The following FAM184B variants were observed in gnomAD, a reference collection of about 807,000 sequenced individuals.
FAM184B encodes the protein family with sequence similarity 184 member B.
Under a neutral mutation model 135.9 loss-of-function variants are expected in FAM184B, and 111 were observed. The ratio of observed to expected loss-of-function variants is 0.82; its 90% confidence interval spans 0.70 to 0.96. FAM184B has a LOEUF of 0.96. Among genes scored for constraint, FAM184B ranks in the 40% least tolerant of loss-of-function variants. The pLI, the probability that FAM184B is intolerant of heterozygous loss-of-function variation, is 0.00. For missense variants in FAM184B, 1,375 were observed against 1,323.9 expected (o/e 1.04, Z -0.60); for synonymous variants, 552 against 524.8 (o/e 1.05, Z -0.71).
intron 1 of FAM184B, among the ~76,000 whole-genome samples, chr4:17,710,474 A>T (rs994869885): frequency 1.3e-5 from 2 of 152,214 alleles, no homozygotes; most frequent in African/African-American, 4.8e-5. Context: ...CACAGAAAAA[A>T]ATATTTGACA....
intron 7 of FAM184B, among the ~76,000 whole-genome samples, chr4:17,678,379 G>A (rs1002626317): frequency 2.0e-5 from 3 of 151,776 alleles, no homozygotes; most frequent in South Asian, 2.1e-4. Flanking sequence ...CACCAACATC[G>A]ACCAAGCTGG....
Position 17,708,902 on chromosome 4 carries a change from T to C in FAM184B, c.884A>G (p.Glu295Gly). The C allele has an allele frequency of 6.6e-7, 1 of 1,512,016 alleles. No individual in the cohort carries two copies. Among genetic ancestry groups the C allele is most frequent in the Non-Finnish European group, 8.9e-7 (1 of 1,127,782 alleles). The allele number at this position is 1,512,016 out of a possible 1,614,324, so 93.7% of individuals were successfully genotyped here. A position where few individuals can be genotyped will look rare whatever the true frequency, so the allele number is the denominator to read the frequency against. ...GAGATGCTGCTTTACCTGAATCCTC[T>C]CCTTCAGCTTCTGGGCGTACTTCTT... ...DLKKYAQKLK[E>G]RIQDLDVQLK... is the part of the protein sequence containing the mutation. The change falls in exon 2 of 18, where the codon GAG (glutamate) becomes GGG (glycine). Residue 295 changes from glutamate (E) to glycine (G), a missense_variant. By Grantham distance (98) the Glu-to-Gly change is moderately conservative. Coordinates refer to ENST00000265018, the MANE Select transcript of FAM184B (RefSeq NM_015688.2).
chr4:17,647,018 G>A (rs1049590620), intron 12 of FAM184B, among the ~76,000 whole-genome samples: 1 of 152,188 alleles, frequency 6.6e-6, no homozygotes, highest in Non-Finnish European at 1.5e-5. Flanking sequence ...AAAATGTTCT[G>A]CAGATCCAGA....
intron 1 of FAM184B, among the ~76,000 whole-genome samples, chr4:17,743,842 G>A (rs770730223): frequency 1.2e-4 from 19 of 152,174 alleles, no homozygotes; most frequent in Admixed American, 2.0e-4. Context: ...CTTAAAACAC[G>A]TGCTGTATGT....
chr4:17,756,324 T>C (rs1370344305), intron 1 of FAM184B, among the ~76,000 whole-genome samples: 1 of 152,156 alleles, frequency 6.6e-6, no homozygotes, highest in East Asian at 1.9e-4. Flanking sequence ...CTGAAGGGTT[T>C]CTCTAACCAA....
intron 1 of FAM184B, among the ~76,000 whole-genome samples, chr4:17,768,169 C>A (rs1470916543): frequency 6.6e-6 from 1 of 152,128 alleles, no homozygotes; most frequent in Non-Finnish European, 1.5e-5. Context: ...CAAATTATTT[C>A]TTCAAAGACA....
At chr4:17,755,163 A>T (rs982311805) in intron 1 of FAM184B, among the ~76,000 whole-genome samples, 4 of 152,186 alleles carry the variant, frequency 2.6e-5, no homozygotes, top group Admixed American at 1.3e-4. Flanking sequence ...CCAGTCTAAA[A>T]TTCTTTTATA....
chr4:17,768,781 T>C (rs1718753917), intron 1 of FAM184B, among the ~76,000 whole-genome samples: 1 of 152,062 alleles, frequency 6.6e-6, no homozygotes, highest in South Asian at 2.1e-4. Context: ...AGGTGCTCAG[T>C]AAATCAGTAA....
chr4:17,728,705 G>A, intron 1 of FAM184B, among the ~76,000 whole-genome samples: 1 of 152,188 alleles, frequency 6.6e-6, no homozygotes, highest in South Asian at 2.1e-4. Context: ...ATTTCAGCAT[G>A]TTAGTAGTAA....
intron 11 of FAM184B, among the ~76,000 whole-genome samples, chr4:17,650,041 A>T (rs1017998166): frequency 6.8e-6 from 1 of 147,146 alleles, no homozygotes; most frequent in Non-Finnish European, 1.5e-5. Flanking sequence ...TGTCTGCCCA[A>T]CCATCTGCCC....
chr4:17,709,255 G>A lies in FAM184B; in HGVS notation c.531C>T (p.Pro177=). The change falls in exon 2 of 18, where the codon CCC becomes CCT. Residue 177 remains proline, a synonymous_variant. Coordinates refer to ENST00000265018, the MANE Select transcript of FAM184B (RefSeq NM_015688.2). ...CCGACTTGGTTTCAGGGCTCTCCTGGGGCAGCCGGCCCTGCGGGGTAGCCT... is the reference window on the plus strand; with the variant it reads ...CCGACTTGGTTTCAGGGCTCTCCTGAGGCAGCCGGCCCTGCGGGGTAGCCT... ...SHEATPQGRL[P]QESPETKSEP... The A allele has an allele frequency of 6.5e-7, 1 of 1,547,340 alleles. No homozygotes were observed. Among genetic ancestry groups the A allele is most frequent in the Non-Finnish European group, 8.7e-7 (1 of 1,144,808 alleles).
intron 1 of FAM184B, among the ~76,000 whole-genome samples, chr4:17,762,189 G>A (rs1327119916): frequency 6.6e-6 from 1 of 152,174 alleles, no homozygotes; most frequent in Non-Finnish European, 1.5e-5. Context: ...TATTTACTGA[G>A]TGAATGAGTA....
chr4:17,637,993 C>T (rs577546717), intron 14 of FAM184B, among the ~76,000 whole-genome samples: 24 of 15,982 alleles, frequency 1.5e-3, no homozygotes, highest in East Asian at 0.083. Flanking sequence ...CTCACCCTCC[C>T]TCTCACTGAT....
chr4:17,651,702 TATC>T (rs1435083865), intron 11 of FAM184B, among the ~76,000 whole-genome samples: 5 of 152,280 alleles, frequency 3.3e-5, no homozygotes, highest in African/African-American at 1.2e-4. Flanking sequence ...ATGCTATTAT[TATC>T]CTCATTTTAG....
At position 17,758,119 on chromosome 4, in the gene FAM184B, G is replaced by A. The variant is rs565088089; in HGVS notation, c.141+23040C>T. On this transcript the variant is annotated intron_variant, in intron 1 of 17. Transcript: ENST00000265018. ...TGTGTGTCCTCAGAGAAGCCTCTAA[G>A]GTTCTCTAGTCTCCAGTTTGCGAAC... Among the ~76,000 whole-genome samples the A allele has an allele frequency of 3.3e-5, 5 of 152,222 alleles. No homozygotes were observed. In the South Asian group the frequency reaches 1.0e-3, roughly 32 times the overall value.
intron 1 of FAM184B, among the ~76,000 whole-genome samples, chr4:17,722,128 T>G (rs1717545408): frequency 6.6e-6 from 1 of 152,062 alleles, no homozygotes; most frequent in Non-Finnish European, 1.5e-5. Context: ...TCCAGAAGAT[T>G]CTGCAGCTTG....
In FAM184B at chr4:17,636,481, C is replaced by T. The variant is rs1265628942; in HGVS notation, c.2784+47G>A. The T allele has an allele frequency of 5.6e-6, 8 of 1,439,842 alleles. No individual in the cohort carries two copies. The African/African-American group carries it at 5.6e-5, about 10-fold the overall frequency. The allele number at this position is 1,439,842 out of a possible 1,614,324, so 89.2% of individuals were successfully genotyped here. A position where few individuals can be genotyped will look rare whatever the true frequency, so the allele number is the denominator to read the frequency against. ...TGAACGCCCCTCCCGGGGGAGCCCGCAGTGCCCGGCCAGGTGCGTGGGTGA... is the reference window on the plus strand; with the variant it reads ...TGAACGCCCCTCCCGGGGGAGCCCGTAGTGCCCGGCCAGGTGCGTGGGTGA... On this transcript the variant is annotated intron_variant, in intron 15 of 17. Transcript: ENST00000265018.
intron 6 of FAM184B, among the ~76,000 whole-genome samples, chr4:17,692,065 A>G (rs1577262924): frequency 7.3e-6 from 1 of 136,592 alleles, no homozygotes; most frequent in Non-Finnish European, 1.6e-5. Context: ...AAAAAAAAAA[A>G]AAGAATAACT....
chr4:17,775,145 C>T (rs1321070231), intron 1 of FAM184B, among the ~76,000 whole-genome samples: 1 of 150,578 alleles, frequency 6.6e-6, no homozygotes, highest in African/African-American at 2.4e-5. Flanking sequence ...TACAGGTGTG[C>T]ACCACCATGC....
Sources: gnomAD v4.1 joint callset for allele counts (sites outside exome capture counted in the v4.1 genomes callset) on GRCh38, gnomAD v4.1.1 for gene constraint, MANE v1.5 for transcripts, NCBI Gene and HGNC (gene_info 2026-07-23, HGNC 2026-07-21) for gene names.